Variants in SCP2 observed in about 807,000 individuals in gnomAD.
SCP2 encodes sterol carrier protein 2.
SCP2 carries 48 observed loss-of-function variants against 71.4 expected under a neutral mutation model. The observed-to-expected ratio is 0.67, with a 90% CI of 0.53 to 0.86. The LOEUF is 0.86. Among genes scored for constraint, SCP2 ranks in the 40% least tolerant of loss-of-function variants. SCP2 has a pLI of 0.00. For missense variants in SCP2, 560 were observed against 655.6 expected (o/e 0.85, Z 1.59); for synonymous variants, 220 against 218.1 (o/e 1.01, Z -0.08).
chr1:53,011,618 G>A (rs985000940), intron 11 of SCP2, among the ~76,000 whole-genome samples: 1 of 152,242 alleles, frequency 6.6e-6, no homozygotes, highest in African/African-American at 2.4e-5. Flanking sequence ...TGGAAGTACA[G>A]GTGGCTTGGA....
chr1:52,992,610 T>G (rs1659598820), intron 11 of SCP2, among the ~76,000 whole-genome samples: 1 of 152,206 alleles, frequency 6.6e-6, no homozygotes, highest in Admixed American at 6.5e-5. Flanking sequence ...TAACACAGGC[T>G]TTTATGAGCA....
intron 11 of SCP2, chr1:52,995,376 C>T: frequency 2.1e-6 from 1 of 466,572 alleles, no homozygotes; most frequent in Non-Finnish European, 4.3e-6. Context: ...CCACACCAAA[C>T]TATGGGGACT....
At chr1:53,044,248 G>A (rs1462418475) in intron 14 of SCP2, among the ~76,000 whole-genome samples, 7 of 152,026 alleles carry the variant, frequency 4.6e-5, no homozygotes, top group Non-Finnish European at 8.8e-5. Context: ...AGTAGAGATG[G>A]GGTTTCACCA....
At chr1:52,961,953 G>A (rs1450787706) in intron 6 of SCP2, among the ~76,000 whole-genome samples, 1 of 152,070 alleles carries the variant, frequency 6.6e-6, no homozygotes, top group Non-Finnish European at 1.5e-5. Flanking sequence ...TGCAGGTTGG[G>A]TGCAGTGGTG....
At chr1:53,049,519 G>A (rs1664065118) in intron 15 of SCP2, 2 of 152,172 alleles carry the variant, frequency 1.3e-5, no homozygotes, top group African/African-American at 4.8e-5. Context: ...TTTATGTATG[G>A]ACTCTCTGAA....
intron 11 of SCP2, among the ~76,000 whole-genome samples, chr1:53,010,087 C>T (rs1027957816): frequency 6.6e-6 from 1 of 152,184 alleles, no homozygotes; most frequent in Admixed American, 6.5e-5. Context: ...GATACCATCT[C>T]ACACCAGTTA....
intron 15 of SCP2, chr1:53,049,381 C>G (rs1340620238): frequency 6.6e-6 from 1 of 152,164 alleles, no homozygotes; most frequent in Non-Finnish European, 1.5e-5. Flanking sequence ...ATGGACTTCC[C>G]TTATGCTCAG....
At chr1:52,927,494 T>A (rs1161721701) in intron 1 of SCP2, 29 bp downstream of exon 1, 2 of 1,556,530 alleles carry the variant, frequency 1.3e-6, no homozygotes, top group African/African-American at 2.7e-5. Context: ...CTGCTGGCCC[T>A]CTGAGGCTCG....
chr1:52,956,902 CTTTTTTTTTTTTTT>C (rs370787153), intron 5 of SCP2, among the ~76,000 whole-genome samples: 2 of 105,900 alleles, frequency 1.9e-5, no homozygotes, highest in African/African-American at 8.1e-5. Context: ...CTCCTTCTGC[CTTTTTTTTTTTTTT>C]TTTTTTTTTT....
intron 1 of SCP2, among the ~76,000 whole-genome samples, chr1:52,934,028 G>C (rs1222941758): frequency 6.6e-6 from 1 of 152,124 alleles, no homozygotes; most frequent in Non-Finnish European, 1.5e-5. Context: ...AGAAAACATT[G>C]GTTAATTTTA....
intron 12 of SCP2, among the ~76,000 whole-genome samples, chr1:53,025,685 G>A (rs1437169287): frequency 6.6e-6 from 1 of 152,116 alleles, no homozygotes; most frequent in Admixed American, 6.5e-5. Flanking sequence ...CTGGCAGACT[G>A]CCTCTGTAGT....
chr1:52,961,544 C>T lies in SCP2; in HGVS notation c.438C>T (p.Leu146=), dbSNP rs774185461. The change falls in exon 6 of 16, where the codon CTC becomes CTT. Residue 146 remains leucine, a synonymous_variant. Transcript: ENST00000371514. The part of the protein sequence containing the change: ...RTIPTDKHVD[L]LINKYGLSAH... ...TTCCCACTGATAAGCATGTTGACCT[C>T]CTGATCAATAAGTATGGATTGTCTG... 1.2e-6 allele frequency: 2 copies of T among 1,613,688 alleles called. No homozygotes were observed. Among genetic ancestry groups the T allele is most frequent in the African/African-American group, 1.3e-5 (1 of 75,010 alleles).
intron 13 of SCP2, among the ~76,000 whole-genome samples, chr1:53,037,834 A>C (rs868430350): frequency 6.7e-6 from 1 of 148,590 alleles, no homozygotes; most frequent in Middle Eastern, 3.4e-3. Context: ...TGAGCCCAGG[A>C]GTTTGAGACC....
At chr1:52,952,559 T>G (rs1242023386) in intron 4 of SCP2, among the ~76,000 whole-genome samples, 1 of 152,186 alleles carries the variant, frequency 6.6e-6, no homozygotes, top group Non-Finnish European at 1.5e-5. Flanking sequence ...CTTGCATTTT[T>G]TTTGTTTCCA....
intron 1 of SCP2, among the ~76,000 whole-genome samples, chr1:52,934,656 A>C (rs1432240419): frequency 9.6e-6 from 1 of 104,538 alleles, no homozygotes; most frequent in Non-Finnish European, 1.7e-5. Flanking sequence ...TCTGTCCCCC[A>C]GGCTGGAGTG....
rs755353816 is a variant in SCP2 at position 52,927,431 on chromosome 1, G to T, written c.35G>T (p.Arg12Leu). The change falls in exon 1 of 16, where the codon CGC becomes CTC. Residue 12 changes from arginine to leucine, a missense_variant. Physicochemically the swap from Arg to Leu is moderately radical, Grantham distance 102. Coordinates refer to ENST00000371514, the MANE Select transcript of SCP2 (RefSeq NM_002979.5). ...SSSPWEPATLRRVFVVGVGMT... is the reference protein window; with the variant it reads ...SSSPWEPATLLRVFVVGVGMT... Reference sequence around the variant, plus strand: ...TCCCCGTGGGAGCCTGCGACCCTGCGCCGGGTGTTCGTGGTGGGGGTTGGC... The same window carrying T: ...TCCCCGTGGGAGCCTGCGACCCTGCTCCGGGTGTTCGTGGTGGGGGTTGGC... 79 of 1,602,190 alleles carry T rather than the reference G, an allele frequency of 4.9e-5. No homozygotes were observed. The highest frequency in any genetic ancestry group is 6.3e-5 in the Non-Finnish European group (74 of 1,175,372).
At chr1:52,968,904 A>G (rs1657211321) in intron 6 of SCP2, among the ~76,000 whole-genome samples, 1 of 152,138 alleles carries the variant, frequency 6.6e-6, no homozygotes, top group Non-Finnish European at 1.5e-5. Flanking sequence ...TACATATATT[A>G]TACACTATGC....
chr1:53,036,572 T>C (rs998406371), intron 13 of SCP2, among the ~76,000 whole-genome samples: 2 of 149,000 alleles, frequency 1.3e-5, no homozygotes, highest in African/African-American at 4.9e-5. Flanking sequence ...ATAAATCTTA[T>C]ATATATATAT....
intron 11 of SCP2, chr1:52,995,152 A>G (rs1659835648): frequency 1.0e-5 from 5 of 495,052 alleles, no homozygotes; most frequent in South Asian, 8.0e-5. Flanking sequence ...GGGCTCTGGA[A>G]TGGGTACTCT....
Sources: allele counts gnomAD v4.1 joint callset (sites outside exome capture counted in the v4.1 genomes callset), GRCh38; gene constraint gnomAD v4.1.1; transcripts MANE v1.5; gene names NCBI Gene and HGNC (gene_info 2026-07-23, HGNC 2026-07-21).